The following KANSL1 variants were observed in gnomAD, a reference collection of about 807,000 sequenced individuals.
KANSL1 encodes the protein KAT8 regulatory NSL complex subunit 1.
In KANSL1, 22 loss-of-function variants were observed where a neutral mutation model predicts 103.6. That is an observed-to-expected ratio of 0.21 (90% CI 0.15 to 0.30). KANSL1 has a LOEUF of 0.30. Ranked by LOEUF, KANSL1 falls within the 10% of genes least tolerant of loss-of-function variation. The pLI, the probability that KANSL1 is intolerant of heterozygous loss-of-function variation, is 1.00. For synonymous variants in KANSL1, 600 were observed against 527.6 expected (o/e 1.14, Z -1.88); for missense variants, 1,337 against 1,399.8 (o/e 0.96, Z 0.72).
At chr17:46,156,968 TTAAG>T (rs2045467983) in intron 2 of KANSL1, 1 of 152,304 alleles carries the variant, frequency 6.6e-6, no homozygotes, top group Admixed American at 6.5e-5. Context: ...TCAATTCTTC[TTAAG>T]TGTTTTCATC....
At chr17:46,202,382 G>C (rs2047833868) in intron 1 of KANSL1, among the ~76,000 whole-genome samples, 1 of 152,136 alleles carries the variant, frequency 6.6e-6, no homozygotes, top group Admixed American at 6.5e-5. Flanking sequence ...AATGTATACA[G>C]AGCAAAAGGC....
intron 2 of KANSL1, among the ~76,000 whole-genome samples, chr17:46,137,959 T>A (rs930521276): frequency 1.3e-5 from 2 of 152,110 alleles, no homozygotes; most frequent in African/African-American, 4.8e-5. Flanking sequence ...ATGTAGTGTG[T>A]TAAAATTTGT....
At chr17:46,131,097 C>CA (rs1169065019) in intron 2 of KANSL1, among the ~76,000 whole-genome samples, 1 of 152,150 alleles carries the variant, frequency 6.6e-6, no homozygotes, top group African/African-American at 2.4e-5. Context: ...CTCAAACTGC[C>CA]ACCCGTCTTA....
At chr17:46,190,579 G>A (rs1196960183) in intron 1 of KANSL1, among the ~76,000 whole-genome samples, 1 of 152,210 alleles carries the variant, frequency 6.6e-6, no homozygotes, top group Non-Finnish European at 1.5e-5. Flanking sequence ...CTTTTAACTG[G>A]TCACAATCAC....
chr17:46,183,157 G>A (rs1310438111), intron 1 of KANSL1, among the ~76,000 whole-genome samples: 1 of 152,244 alleles, frequency 6.6e-6, no homozygotes, highest in Admixed American at 6.5e-5. Flanking sequence ...GCTGGGTGCA[G>A]TGGCAGGCGC....
intron 3 of KANSL1, among the ~76,000 whole-genome samples, chr17:46,089,243 G>C (rs1412454116): frequency 6.6e-6 from 1 of 152,132 alleles, no homozygotes. Flanking sequence ...AAGTAGTACA[G>C]AGGAGTTCCT....
intron 2 of KANSL1, among the ~76,000 whole-genome samples, chr17:46,151,833 C>T (rs2045124948): frequency 6.6e-6 from 1 of 152,224 alleles, no homozygotes; most frequent in Non-Finnish European, 1.5e-5. Flanking sequence ...CATTAATACC[C>T]ATGTTTCTGG....
intron 1 of KANSL1, among the ~76,000 whole-genome samples, chr17:46,188,756 C>T (rs565226250): frequency 1.3e-5 from 2 of 152,108 alleles, no homozygotes; most frequent in Admixed American, 1.3e-4. Flanking sequence ...AGGGGCCAGG[C>T]CCGGTGGCTC....
intron 6 of KANSL1, among the ~76,000 whole-genome samples, chr17:46,061,047 G>C (rs1031020017): frequency 1.3e-5 from 2 of 151,964 alleles, no homozygotes; most frequent in African/African-American, 4.8e-5. Context: ...AAATTTCAAG[G>C]GTATGTTAGT....
In KANSL1 at chr17:46,030,093, GGAAAA is replaced by G. The variant is rs1373777177; in HGVS notation, c.*1378_*1382del. 1 of 150,974 alleles carries G rather than the reference GGAAAA, an allele frequency of 6.6e-6. No individual in the cohort carries two copies. Among genetic ancestry groups the G allele is most frequent in the African/African-American group, 2.4e-5 (1 of 40,926 alleles). The allele number at this position is 150,974 out of a possible 1,614,324, so 9.4% of individuals were successfully genotyped here. A position where few individuals can be genotyped will look rare whatever the true frequency, so the allele number is the denominator to read the frequency against. ...GCTGCCATTACACAGCTCCAAAGCAGGAAAAGAAAATATTTACAAAATACAAGGTT... is the reference window on the plus strand; with the variant it reads ...GCTGCCATTACACAGCTCCAAAGCAGGAAAATATTTACAAAATACAAGGTT... On this transcript the variant is annotated 3_prime_UTR_variant, in exon 15 of 15. Coordinates refer to ENST00000432791, the MANE Select transcript of KANSL1 (RefSeq NM_015443.4).
At chr17:46,214,838 C>G (rs974504014) in intron 1 of KANSL1, among the ~76,000 whole-genome samples, 3 of 152,338 alleles carry the variant, frequency 2.0e-5, no homozygotes, top group Middle Eastern at 3.4e-3. Flanking sequence ...CAGAGATTGT[C>G]CCCTTACCAC....
In KANSL1 at chr17:46,170,872, C is replaced by G; in HGVS notation, c.1272G>C (p.Glu424Asp). 2 of 1,607,436 alleles carry G rather than the reference C, an allele frequency of 1.2e-6. No individual in the cohort carries two copies. The highest frequency in any genetic ancestry group is 2.2e-5 in the South Asian group (2 of 90,682). ...CTACTCACAGGGGTACATGACGCTG[C>G]TCGGGATCAGCTCTGGTCAGTTCTT... is the stretch of plus-strand genomic sequence containing the variant. ...EEEELTRADP[E>D]QRHVPLRRRS... Residue 424 changes from glutamate to aspartate, a missense_variant, in exon 2 of 15, where the codon GAG (glutamate) becomes GAC (aspartate). By Grantham distance (45) the Glu-to-Asp change is conservative. Coordinates refer to ENST00000432791, the MANE Select transcript of KANSL1 (RefSeq NM_015443.4).
At chr17:46,091,033 C>T (rs2079365972) in intron 3 of KANSL1, among the ~76,000 whole-genome samples, 1 of 152,192 alleles carries the variant, frequency 6.6e-6, no homozygotes, top group Non-Finnish European at 1.5e-5. Context: ...AAACAGCCTC[C>T]AGCAGGTCCT....
At chr17:46,122,489 G>A (rs957775121) in intron 2 of KANSL1, among the ~76,000 whole-genome samples, 7 of 152,188 alleles carry the variant, frequency 4.6e-5, no homozygotes, top group African/African-American at 1.4e-4. Flanking sequence ...AGTACCACGA[G>A]ATTAACTGGC....
intron 2 of KANSL1, among the ~76,000 whole-genome samples, chr17:46,151,233 T>G (rs2045081927): frequency 6.6e-6 from 1 of 152,246 alleles, no homozygotes; most frequent in African/African-American, 2.4e-5. Flanking sequence ...CTTCTACCAC[T>G]CATTCTATAC....
At chr17:46,162,699 T>C (rs1486132443) in intron 2 of KANSL1, among the ~76,000 whole-genome samples, 1 of 152,264 alleles carries the variant, frequency 6.6e-6, no homozygotes, top group Non-Finnish European at 1.5e-5. Flanking sequence ...TTCACCTCTA[T>C]TCCCCTTCTC....
intron 2 of KANSL1, among the ~76,000 whole-genome samples, chr17:46,151,655 A>G (rs2147496785): frequency 6.6e-6 from 1 of 152,382 alleles, no homozygotes; most frequent in Admixed American, 6.5e-5. Flanking sequence ...GAACACACTG[A>G]GTACTTGATA....
intron 2 of KANSL1, among the ~76,000 whole-genome samples, chr17:46,146,728 G>C (rs929385433): frequency 6.3e-5 from 9 of 142,534 alleles, no homozygotes; most frequent in African/African-American, 2.2e-4. Context: ...AGCTACTTGG[G>C]AGGCTGAGGC....
intron 2 of KANSL1, among the ~76,000 whole-genome samples, chr17:46,104,868 T>C (rs966464901): frequency 6.6e-6 from 1 of 152,116 alleles, no homozygotes; most frequent in African/African-American, 2.4e-5. Context: ...TAGGCTGGAG[T>C]GCAATGGTGC....
Sources: gnomAD v4.1 joint callset for allele counts (sites outside exome capture counted in the v4.1 genomes callset) on GRCh38, gnomAD v4.1.1 for gene constraint, MANE v1.5 for transcripts, NCBI Gene and HGNC (gene_info 2026-07-23, HGNC 2026-07-21) for gene names.